The following CNTNAP3B variants were observed in gnomAD, a reference collection of about 807,000 sequenced individuals.
CNTNAP3B encodes contactin associated protein family member 3B, also known as contactin-associated protein-like 3B.
In CNTNAP3B, 25 loss-of-function variants were observed where a neutral mutation model predicts 108.9. The observed-to-expected ratio is 0.23, with a 90% CI of 0.17 to 0.32. The LOEUF is 0.32. Among genes scored for constraint, CNTNAP3B ranks in the 10% least tolerant of loss-of-function variants. The pLI is 1.00. For synonymous variants in CNTNAP3B, 103 were observed against 473.4 expected (o/e 0.22, Z 10.16); for missense variants, 252 against 1,210.4 (o/e 0.21, Z 11.75).
At position 41,953,363 on chromosome 9, in the gene CNTNAP3B, G is replaced by A. The variant is rs1442426076; in HGVS notation, c.1900C>T (p.Arg634Trp). The change falls in exon 13 of 24, where the codon CGG (arginine) becomes TGG (tryptophan). Residue 634 changes from arginine to tryptophan, a missense_variant. By Grantham distance (101) the Arg-to-Trp change is moderately radical. Transcript: ENST00000377561. ...GTCACCGCGTCGGGGCCACCGTGCC[G>A]CACCACCGTCCACGCGGAGTCTGCT... Reference protein sequence around the residue: ...MTADSAWTVVRHGGPDAVTLR... With the variant: ...MTADSAWTVVWHGGPDAVTLR... 11 of 1,551,182 alleles carry A rather than the reference G, an allele frequency of 7.1e-6. No individual in the cohort carries two copies. The East Asian group carries it at 1.9e-4, about 27-fold the overall frequency.
At chr9:41,952,083 G>A (rs1316387592) in intron 13 of CNTNAP3B, among the ~76,000 whole-genome samples, 5 of 152,266 alleles carry the variant, frequency 3.3e-5, no homozygotes, top group Non-Finnish European at 7.3e-5. Context: ...CCAGGCAGAG[G>A]AAATGGTCTG....
chr9:42,077,051 A>T lies in CNTNAP3B; in HGVS notation c.208T>A (p.Trp70Arg). The T allele has an allele frequency of 1.9e-6, 3 of 1,538,564 alleles. 1 individual carries two copies. Among genetic ancestry groups the T allele is most frequent in the Non-Finnish European group, 2.6e-6 (3 of 1,138,394 alleles). The change falls in exon 3 of 24, where the codon TGG becomes AGG. Residue 70 changes from tryptophan to arginine, a missense_variant. By Grantham distance (101) the Trp-to-Arg change is moderately radical. Coordinates refer to ENST00000377561, the MANE Select transcript of CNTNAP3B (RefSeq NM_001201380.3). ...RLNRRDGAGG[W>R]TPLVSNKYQW... Reference sequence around the variant, plus strand: ...TATTTATTTGACACAAGTGGGGTCCAGCCACCAGCTCCTTTTTTGAAACAG... The same window carrying T: ...TATTTATTTGACACAAGTGGGGTCCTGCCACCAGCTCCTTTTTTGAAACAG...
chr9:41,919,394 A>G (rs1323312988), intron 18 of CNTNAP3B, among the ~76,000 whole-genome samples: 1 of 151,356 alleles, frequency 6.6e-6, no homozygotes, highest in Non-Finnish European at 1.5e-5. Context: ...GATTACAGGC[A>G]TAAGCCACCA....
At chr9:41,958,118 T>C (rs540885834) in intron 12 of CNTNAP3B, among the ~76,000 whole-genome samples, 6 of 152,264 alleles carry the variant, frequency 3.9e-5, no homozygotes, top group South Asian at 2.1e-4. Context: ...TTTCTTTTTC[T>C]TTTTTTGGAG....
intron 2 of CNTNAP3B, among the ~76,000 whole-genome samples, chr9:42,080,222 G>T (rs1368007569): frequency 7.3e-6 from 1 of 136,420 alleles, no homozygotes; most frequent in Non-Finnish European, 1.6e-5. Context: ...TTAGTTTGTT[G>T]GTGTTCATGG....
intron 17 of CNTNAP3B, among the ~76,000 whole-genome samples, chr9:41,922,124 G>T (rs377057226): frequency 7.2e-6 from 1 of 139,044 alleles, no homozygotes; most frequent in Non-Finnish European, 1.6e-5. Flanking sequence ...CTGAGGCTTG[G>T]CTATCTCATC....
intron 3 of CNTNAP3B, among the ~76,000 whole-genome samples, chr9:42,049,548 G>A (rs921797286): frequency 3.7e-5 from 5 of 134,692 alleles, no homozygotes; most frequent in East Asian, 2.3e-4. Flanking sequence ...CCAGCTGTGC[G>A]GGTGGGGTCC....
chr9:41,969,648 C>T (rs1825383617), intron 10 of CNTNAP3B, among the ~76,000 whole-genome samples: 2 of 151,980 alleles, frequency 1.3e-5, no homozygotes, highest in African/African-American at 2.4e-5. Context: ...GACCGAGTCT[C>T]GCTCTGTCGC....
rs1339784041 is a variant in CNTNAP3B at position 42,055,306 on chromosome 9, T to TAC, written c.390+21561_390+21562dup. Among the ~76,000 whole-genome samples, 8 of 135,668 alleles carry TAC rather than the reference T, an allele frequency of 5.9e-5. 1 individual carries two copies. The highest frequency in any genetic ancestry group is 2.4e-4 in the South Asian group (1 of 4,220). 89.0% of individuals were successfully genotyped at this position (135,668 alleles called of 152,430 possible). ...ATTTACATGAGTATATATATATATA[T>TAC]ACATATATTCATTGTGGGAATTTCA... On this transcript the variant is annotated intron_variant, in intron 3 of 23. Transcript: ENST00000377561.
In CNTNAP3B at chr9:42,029,753, A is replaced by T. The variant is rs1826478391; in HGVS notation, c.391-16228T>A. ...ACCATGTTGGCCAGGCTGGTCTTGA[A>T]CTCCTGACCTCGTGATCTGCCCACC... On this transcript the variant is annotated intron_variant, in intron 3 of 23. Transcript: ENST00000377561. 8.4e-5 allele frequency among the ~76,000 whole-genome samples: 9 copies of T among 107,522 alleles called. No individual in the cohort carries two copies. In the South Asian group the frequency reaches 1.9e-3, roughly 23 times the overall value. The allele number at this position is 107,522 out of a possible 152,430, so 70.5% of individuals were successfully genotyped here. A position where few individuals can be genotyped will look rare whatever the true frequency, so the allele number is the denominator to read the frequency against.
intron 2 of CNTNAP3B, among the ~76,000 whole-genome samples, chr9:42,099,272 G>A (rs1281280783): frequency 8.1e-6 from 1 of 123,336 alleles, no homozygotes. Context: ...CCTCATTAGG[G>A]CAGTTTCCAC....
At chr9:41,943,971 G>A (rs1310995414) in intron 13 of CNTNAP3B, among the ~76,000 whole-genome samples, 1 of 152,136 alleles carries the variant, frequency 6.6e-6, no homozygotes, top group Non-Finnish European at 1.5e-5. Flanking sequence ...ACCTACATAG[G>A]AGCAAGAATG....
In CNTNAP3B at chr9:42,126,485, A is replaced by G. The variant is rs1415173552; in HGVS notation, c.85+2525T>C. 1.5e-5 allele frequency among the ~76,000 whole-genome samples: 2 copies of G among 137,860 alleles called. 1 individual carries two copies. The highest frequency in any genetic ancestry group is 5.8e-5 in the African/African-American group (2 of 34,442). The allele number at this position is 137,860 out of a possible 152,430, so 90.4% of individuals were successfully genotyped here. A position where few individuals can be genotyped will look rare whatever the true frequency, so the allele number is the denominator to read the frequency against. On this transcript the variant is annotated intron_variant, in intron 1 of 23. Coordinates refer to ENST00000377561, the MANE Select transcript of CNTNAP3B (RefSeq NM_001201380.3). Reference sequence around the variant, plus strand: ...TCCCTTCATGCAGAATCTTCCTAACAAAGCTTTCCCATGTATTTGTCAGGT... The same window carrying G: ...TCCCTTCATGCAGAATCTTCCTAACGAAGCTTTCCCATGTATTTGTCAGGT...
chr9:41,918,377 C>A (rs1247133467), intron 18 of CNTNAP3B, among the ~76,000 whole-genome samples: 30 of 147,286 alleles, frequency 2.0e-4, no homozygotes, highest in African/African-American at 6.4e-4. Context: ...GGGCTTTCAG[C>A]TTCTCTTAAA....
At chr9:41,952,255 T>C (rs1824711985) in intron 13 of CNTNAP3B, among the ~76,000 whole-genome samples, 1 of 152,194 alleles carries the variant, frequency 6.6e-6, no homozygotes, top group African/African-American at 2.4e-5. Flanking sequence ...TAAGTGGCTT[T>C]ATTATGCTAC....
chr9:41,940,410 C>G lies in CNTNAP3B; in HGVS notation c.2081-2010G>C, dbSNP rs536053494. Among the ~76,000 whole-genome samples, 5 of 152,412 alleles carry G rather than the reference C, an allele frequency of 3.3e-5. No homozygotes were observed. The South Asian group carries it at 1.0e-3, about 32-fold the overall frequency. ...ATTTGAATGATAGTAGATTACTCAT[C>G]TGAAATTACAGAACCAGAAGGAATG... On this transcript the variant is annotated intron_variant, in intron 13 of 23. Transcript: ENST00000377561.
At chr9:41,934,124 C>CATAT (rs1226684775) in intron 14 of CNTNAP3B, among the ~76,000 whole-genome samples, 3 of 105,670 alleles carry the variant, frequency 2.8e-5, no homozygotes, top group East Asian at 2.4e-4. Context: ...TATATATATA[C>CATAT]ACACACATAT....
intron 13 of CNTNAP3B, among the ~76,000 whole-genome samples, chr9:41,944,176 A>G (rs2118101327): frequency 6.7e-6 from 1 of 149,254 alleles, no homozygotes; most frequent in East Asian, 1.9e-4. Context: ...CTACCTTGCA[A>G]GCCATGTTAA....
At chr9:42,110,450 A>G (rs1828173564) in intron 1 of CNTNAP3B, among the ~76,000 whole-genome samples, 1 of 136,912 alleles carries the variant, frequency 7.3e-6, no homozygotes, top group Non-Finnish European at 1.6e-5. Flanking sequence ...TCGAATTATC[A>G]GAAAAACACA....
Sources: gnomAD v4.1 joint callset for allele counts (sites outside exome capture counted in the v4.1 genomes callset) on GRCh38, gnomAD v4.1.1 for gene constraint, MANE v1.5 for transcripts, NCBI Gene and HGNC (gene_info 2026-07-23, HGNC 2026-07-21) for gene names.